Variants in FAM118B observed in about 807,000 individuals in gnomAD.
The protein encoded by FAM118B is protein FAM118B.
Under a neutral mutation model 38.5 loss-of-function variants are expected in FAM118B, and 24 were observed. The observed-to-expected ratio is 0.62, with a 90% CI of 0.45 to 0.88. The LOEUF (loss-of-function observed/expected upper bound fraction) is 0.88. FAM118B is among the 40% of genes least tolerant of loss of function. The pLI, the probability that FAM118B is intolerant of heterozygous loss-of-function variation, is 0.00. For synonymous variants in FAM118B, 138 were observed against 156.3 expected (o/e 0.88, Z 0.87); for missense variants, 334 against 420.0 (o/e 0.80, Z 1.79).
At chr11:126,243,238 A>T (rs1222561412) in intron 4 of FAM118B, among the ~76,000 whole-genome samples, 1 of 152,234 alleles carries the variant, frequency 6.6e-6, no homozygotes, top group Non-Finnish European at 1.5e-5. Context: ...AGTAGGAGGG[A>T]GTACTTCCAA....
chr11:126,248,248 TG>T (rs1950444109), intron 4 of FAM118B, among the ~76,000 whole-genome samples: 1 of 151,460 alleles, frequency 6.6e-6, no homozygotes, highest in South Asian at 2.1e-4. Flanking sequence ...AGGATACATG[TG>T]ACTGCTAGAT....
intron 5 of FAM118B, among the ~76,000 whole-genome samples, chr11:126,251,710 G>A (rs981543506): frequency 2.0e-5 from 3 of 149,456 alleles, no homozygotes; most frequent in African/African-American, 7.4e-5. Context: ...TTCCTTTGTA[G>A]CACTTAGTAT....
At position 126,217,406 on chromosome 11, in the gene FAM118B, G is replaced by A. The variant is rs375868432; in HGVS notation, c.-77+5576G>A. On this transcript the variant is annotated intron_variant, in intron 1 of 8. Coordinates refer to ENST00000533050, the MANE Select transcript of FAM118B (RefSeq NM_024556.4). ...CTATTGTAATTTTTTGCTAAAACAGGTAGCTTTTATGTACTTACACCTCTG... is the reference window on the plus strand; with the variant it reads ...CTATTGTAATTTTTTGCTAAAACAGATAGCTTTTATGTACTTACACCTCTG... Among the ~76,000 whole-genome samples, 12 of 152,126 alleles carry A rather than the reference G, an allele frequency of 7.9e-5. No individual in the cohort carries two copies. The East Asian group carries it at 2.3e-3, about 29-fold the overall frequency.
At chr11:126,235,650 C>T (rs1418900938) in intron 3 of FAM118B, among the ~76,000 whole-genome samples, 1 of 152,196 alleles carries the variant, frequency 6.6e-6, no homozygotes, top group African/African-American at 2.4e-5. Context: ...TCCTGAGTAG[C>T]TGAGATCACA....
intron 2 of FAM118B, 85 bp from the exon 3 acceptor site, chr11:126,234,910 T>A (rs931517835): frequency 5.3e-6 from 6 of 1,126,282 alleles, no homozygotes; most frequent in Non-Finnish European, 7.7e-6. Flanking sequence ...GTATACAGCT[T>A]TTTTAAACTG....
intron 2 of FAM118B, among the ~76,000 whole-genome samples, chr11:126,232,000 T>A (rs983967112): frequency 1.3e-4 from 20 of 152,156 alleles, no homozygotes; most frequent in Non-Finnish European, 2.2e-4. Flanking sequence ...TTCAAGTAAA[T>A]CTCCTTTCTA....
At chr11:126,241,575 ATCT>A (rs1378596094) in intron 4 of FAM118B, among the ~76,000 whole-genome samples, 1 of 151,762 alleles carries the variant, frequency 6.6e-6, no homozygotes, top group African/African-American at 2.4e-5. Flanking sequence ...TTTTGATGGA[ATCT>A]TCTTCTTGTC....
rs1194926058 is a variant in FAM118B, at chr11:126,244,660, T to G, written c.339+3616T>G. 6.6e-6 allele frequency among the ~76,000 whole-genome samples: 1 copy of G among 152,082 alleles called. No homozygotes were observed. The highest frequency in any genetic ancestry group is 2.4e-5 in the African/African-American group (1 of 41,504). On this transcript the variant is annotated intron_variant, in intron 4 of 8. Transcript: ENST00000533050. The surrounding 1 kb of genome is among the most constrained non-coding windows in gnomAD (Gnocchi z 4.5). ...CTCTACTAAAAATACAAAAATTAGC[T>G]GAGCATGATGGCGGGTGCCTATAAT...
rs1950400884 is a variant in FAM118B, at chr11:126,244,821, G to A, written c.339+3777G>A. ...TCCATCTCAAAAAATAAATAAATAA[G>A]TGGAGAACTTATGCTTTGAAAACTA... On this transcript the variant is annotated intron_variant, in intron 4 of 8. Transcript: ENST00000533050. The surrounding 1 kb of genome is among the most constrained non-coding windows in gnomAD (Gnocchi z 4.5). Among the ~76,000 whole-genome samples, 1 of 151,734 alleles carries A rather than the reference G, an allele frequency of 6.6e-6. No individual in the cohort carries two copies. Among genetic ancestry groups the A allele is most frequent in the Non-Finnish European group, 1.5e-5 (1 of 67,914 alleles).
chr11:126,233,576 T>G, intron 2 of FAM118B: 1 of 365,930 alleles, frequency 2.7e-6, no homozygotes, highest in Admixed American at 3.7e-5. Flanking sequence ...TGTCTTCTCC[T>G]GAGCCCCAGC....
chr11:126,239,982 G>A (rs550325573), intron 3 of FAM118B, among the ~76,000 whole-genome samples: 2 of 152,274 alleles, frequency 1.3e-5, no homozygotes, highest in Admixed American at 6.5e-5. Flanking sequence ...AGACAAAAAG[G>A]TTGGGGAGAA....
In FAM118B at chr11:126,249,731, CAAAAAAAAAAA is replaced by C. The variant is rs71048775; in HGVS notation, c.340-762_340-752del. On this transcript the variant is annotated intron_variant, in intron 4 of 8. Transcript: ENST00000533050. ...TGGGTGACAGAATGAGACTCCGTCT[CAAAAAAAAAAA>C]AAAAAAAAAAAAGAAAAAGAAAAGG... Among the ~76,000 whole-genome samples the C allele has an allele frequency of 1.5e-4, 12 of 79,004 alleles. No homozygotes were observed. The Admixed American group carries it at 1.8e-3, about 12-fold the overall frequency. 51.8% of individuals were successfully genotyped at this position (79,004 alleles called of 152,430 possible). A position where few individuals can be genotyped will look rare whatever the true frequency, so the allele number is the denominator to read the frequency against.
chr11:126,242,265 A>G (rs1950369617), intron 4 of FAM118B, among the ~76,000 whole-genome samples: 1 of 152,152 alleles, frequency 6.6e-6, no homozygotes, highest in Non-Finnish European at 1.5e-5. Context: ...GACTTCTCCA[A>G]AGTTAAAAAC....
intron 2 of FAM118B, among the ~76,000 whole-genome samples, chr11:126,229,550 C>T (rs761038165): frequency 2.6e-5 from 4 of 152,148 alleles, no homozygotes; most frequent in African/African-American, 7.2e-5. Flanking sequence ...TCAAGCGACT[C>T]TACTGCCTCA....
intron 3 of FAM118B, among the ~76,000 whole-genome samples, 197 bp from the exon 4 acceptor site, chr11:126,240,595 A>T (rs900545197): frequency 6.6e-5 from 10 of 152,118 alleles, no homozygotes; most frequent in Non-Finnish European, 1.5e-4. Flanking sequence ...TAGGTTTATG[A>T]CTTGTTTTTC....
chr11:126,245,047 G>C (rs1259033904), intron 4 of FAM118B: 2 of 152,202 alleles, frequency 1.3e-5, no homozygotes, highest in Non-Finnish European at 2.9e-5. Flanking sequence ...CAGGCACCAT[G>C]GCATGCACCT....
In FAM118B at chr11:126,250,838, GA is replaced by G; in HGVS notation, c.567+110del. Reference sequence around the variant, plus strand: ...TTGGTATTTATGTAGAGCTAGAAAGGAAAAATTTTTTCCCTGGTTGGAGTTT... The same window carrying G: ...TTGGTATTTATGTAGAGCTAGAAAGGAAAATTTTTTCCCTGGTTGGAGTTT... On this transcript the variant is annotated intron_variant, in intron 5 of 8. Coordinates refer to ENST00000533050, the MANE Select transcript of FAM118B (RefSeq NM_024556.4). The surrounding 1 kb of genome is among the most constrained non-coding windows in gnomAD (Gnocchi z 5.1). 2 of 870,696 alleles carry G rather than the reference GA, an allele frequency of 2.3e-6. No individual in the cohort carries two copies. 53.9% of individuals were successfully genotyped at this position (870,696 alleles called of 1,614,324 possible).
intron 4 of FAM118B, among the ~76,000 whole-genome samples, chr11:126,247,764 A>G (rs1237942350): frequency 6.6e-6 from 1 of 151,374 alleles, no homozygotes; most frequent in African/African-American, 2.4e-5. Context: ...AGGCTGAGGC[A>G]GGGGAATTGC....
intron 3 of FAM118B, among the ~76,000 whole-genome samples, chr11:126,239,779 G>T (rs1341876182): frequency 6.6e-6 from 1 of 152,158 alleles, no homozygotes; most frequent in African/African-American, 2.4e-5. Context: ...CCCCCAAAGT[G>T]CTGGGATTAC....
Sources: gnomAD v4.1 joint callset for allele counts (sites outside exome capture counted in the v4.1 genomes callset) on GRCh38, gnomAD v4.1.1 for gene constraint, Gnocchi (gnomAD v3.1) non-coding constraint, MANE v1.5 for transcripts, NCBI Gene and HGNC (gene_info 2026-07-23, HGNC 2026-07-21) for gene names.